The following COL4A5 variants were observed in gnomAD, a reference collection of about 807,000 sequenced individuals.
The protein encoded by COL4A5 is collagen type IV alpha 5 chain.
In COL4A5, 26 loss-of-function variants were observed where a neutral mutation model predicts 130.2. The observed-to-expected ratio is 0.20, with a 90% CI of 0.15 to 0.28. The LOEUF (loss-of-function observed/expected upper bound fraction) is 0.28. COL4A5 is among the 10% of genes least tolerant of loss of function. The pLI is 1.00. For synonymous variants in COL4A5, 496 were observed against 439.6 expected, an observed-to-expected ratio of 1.13 and a Z score of -1.60; for missense variants, 1,131 against 1,344.3, an observed-to-expected ratio of 0.84 and a Z score of 2.48.
intron 1 of COL4A5, among the ~76,000 whole-genome samples, chrX:108,459,673 G>A (rs2064623501): frequency 8.9e-6 from 1 of 112,068 alleles, no homozygotes; most frequent in Non-Finnish European, 1.9e-5. Context: ...CAAGAGCAGT[G>A]ACTATATTTC....
intron 1 of COL4A5, among the ~76,000 whole-genome samples, chrX:108,473,613 G>GTATATATATATATATATATATATATATA (rs1230922272): frequency 2.2e-5 from 1 of 46,100 alleles, no homozygotes; most frequent in African/African-American, 7.7e-5. Context: ...ATATATATAT[G>GTATATATATATATATATATATATATATA]TATATATATA....
rs908463069 is a variant in COL4A5 at position 108,696,084 on chromosome X, T to C, written c.4995-213T>C. 4.3e-5 allele frequency: 17 copies of C among 399,350 alleles called. No homozygotes were observed. The Admixed American group carries it at 7.3e-4, about 17-fold the overall frequency. The allele number at this position is 399,350 out of a possible 1,213,427, so 32.9% of individuals were successfully genotyped here. The stretch of plus-strand genomic sequence containing the variant: ...AAACACAAATATACAAAGATAATAG[T>C]GGTGGGGAGAATCGTTACAAAATAT... On this transcript the variant is annotated intron_variant, in intron 52 of 52. Coordinates refer to ENST00000328300, the MANE Select transcript of COL4A5 (RefSeq NM_033380.3).
chrX:108,523,437 C>G (rs1325359357), intron 1 of COL4A5, among the ~76,000 whole-genome samples: 1 of 111,654 alleles, frequency 9.0e-6, no homozygotes, highest in Admixed American at 9.5e-5. Context: ...TCAATTCTGT[C>G]CCATTGATCT....
chrX:108,689,582 T>A (rs2068612708), intron 49 of COL4A5: 3 of 754,276 alleles, frequency 4.0e-6, no homozygotes, highest in Non-Finnish European at 4.7e-6. Context: ...ATCCTAGGAA[T>A]GGTCCTGGAT....
At chrX:108,622,890 C>T in intron 33 of COL4A5, 65 bp downstream of exon 33, 5 of 1,045,895 alleles carry the variant, frequency 4.8e-6, no homozygotes, top group Non-Finnish European at 6.5e-6. Flanking sequence ...TTTTAAATAG[C>T]ATGAAAAGTG....
At position 108,655,441 on chromosome X, in the gene COL4A5, C is replaced by G; in HGVS notation, c.3357C>G (p.Gly1119=). The G allele has an allele frequency of 1.7e-6, 2 of 1,211,263 alleles. No individual in the cohort carries two copies. Among genetic ancestry groups the G allele is most frequent in the Non-Finnish European group, 2.2e-6 (2 of 895,299 alleles). Residue 1119 remains glycine (G), a synonymous_variant, in exon 37 of 53, where the codon GGC becomes GGG. Transcript: ENST00000328300. ...PGTPGAKGQP[G]LPGFPGTPGP... ...CCCCTGGAGCAAAAGGACAACCAGGCCTTCCTGGATTCCCAGGTAAAATTT... is the reference window on the plus strand; with the variant it reads ...CCCCTGGAGCAAAAGGACAACCAGGGCTTCCTGGATTCCCAGGTAAAATTT...
At chrX:108,540,294 G>A (rs2065516849) in intron 2 of COL4A5, among the ~76,000 whole-genome samples, 1 of 111,139 alleles carries the variant, frequency 9.0e-6, no homozygotes, top group Non-Finnish European at 1.9e-5. Context: ...GATTGGTCTT[G>A]TTGAAGGCAC....
chrX:108,675,794 AAAT>A (rs918242551), intron 43 of COL4A5, among the ~76,000 whole-genome samples: 4 of 111,943 alleles, frequency 3.6e-5, no homozygotes, highest in African/African-American at 1.3e-4. Context: ...CTAATAAAGA[AAAT>A]AATAATAATT....
intron 38 of COL4A5, 76 bp downstream of exon 38, chrX:108,665,663 T>A (rs1179223923): frequency 2.7e-5 from 19 of 699,592 alleles, no homozygotes; most frequent in Non-Finnish European, 4.2e-5. Flanking sequence ...AGTCAAATCA[T>A]GTTCAGCTGT....
chrX:108,595,518 G>A lies in COL4A5; in HGVS notation c.1433G>A (p.Gly478Asp). 8.3e-7 allele frequency: 1 copy of A among 1,211,813 alleles called. No individual in the cohort carries two copies. The highest frequency in any genetic ancestry group is 3.0e-5 in the East Asian group (1 of 33,841). ...ATTATGATTTCACTAGGTGACAAAG[G>A]TGACACTTGCTTCAACTGCATTGGA... ...QGEQGVKGDK[G>D]DTCFNCIGTG... Residue 478 changes from glycine to aspartate, a missense_variant, in exon 22 of 53, where the codon GGT (glycine) becomes GAT (aspartate). By Grantham distance (94) the Gly-to-Asp change is moderately conservative. Transcript: ENST00000328300.
Position 108,696,460 on chromosome X carries a change from CAA to C in COL4A5, c.*83_*84del, listed in dbSNP as rs1382803618. ...CTAGGATGCAGTGTCTCATTGTCCCCAACTTTACTACTGCTGCCGTCAATGGT... is the reference window on the plus strand; with the variant it reads ...CTAGGATGCAGTGTCTCATTGTCCCCCTTTACTACTGCTGCCGTCAATGGT... On this transcript the variant is annotated 3_prime_UTR_variant, in exon 53 of 53. Coordinates refer to ENST00000328300, the MANE Select transcript of COL4A5 (RefSeq NM_033380.3). 1.9e-5 allele frequency: 14 copies of C among 735,556 alleles called. No individual in the cohort carries two copies. The East Asian group carries it at 5.0e-4, about 26-fold the overall frequency. 60.6% of individuals were successfully genotyped at this position (735,556 alleles called of 1,213,427 possible).
chrX:108,564,022 A>G (rs1324540742), intron 4 of COL4A5, 96 bp downstream of exon 4: 8 of 788,286 alleles, frequency 1.0e-5, no homozygotes, highest in Non-Finnish European at 1.5e-5. Flanking sequence ...ACCCATATTA[A>G]AAGCCAAGAA....
chrX:108,549,133 C>A (rs1569484997), intron 2 of COL4A5, among the ~76,000 whole-genome samples: 1 of 111,437 alleles, frequency 9.0e-6, no homozygotes, highest in Non-Finnish European at 1.9e-5. Context: ...TCAAGTGTAA[C>A]AACAGAGATT....
intron 36 of COL4A5, among the ~76,000 whole-genome samples, chrX:108,647,152 A>C (rs1229673979): frequency 1.8e-5 from 2 of 110,346 alleles, no homozygotes; most frequent in African/African-American, 6.7e-5. Context: ...ATGGCATTGA[A>C]TCTATAAATT....
At chrX:108,627,619 A>G (rs1391463903) in intron 36 of COL4A5, 1 of 681,922 alleles carries the variant, frequency 1.5e-6, no homozygotes, top group East Asian at 1.6e-4. Flanking sequence ...AAGTGCATTT[A>G]ATTTTTTGGC....
intron 42 of COL4A5, among the ~76,000 whole-genome samples, chrX:108,672,777 G>A (rs1481673180): frequency 9.0e-6 from 1 of 111,555 alleles, no homozygotes; most frequent in African/African-American, 3.3e-5. Flanking sequence ...GAAATATTTT[G>A]CTGAGAGTTC....
chrX:108,454,485 C>T (rs764556652), intron 1 of COL4A5, among the ~76,000 whole-genome samples: 4 of 111,146 alleles, frequency 3.6e-5, no homozygotes, highest in African/African-American at 1.3e-4. Flanking sequence ...CCACGTTGGC[C>T]AGGCTGGTCT....
chrX:108,485,325 G>A (rs915097758), intron 1 of COL4A5, among the ~76,000 whole-genome samples: 3 of 111,716 alleles, frequency 2.7e-5, no homozygotes, highest in African/African-American at 9.8e-5. Flanking sequence ...TAAAGTGCAA[G>A]CCGAAGTCCC....
intron 13 of COL4A5, among the ~76,000 whole-genome samples, chrX:108,578,939 A>G (rs1437094370): frequency 2.7e-5 from 3 of 111,180 alleles, no homozygotes; most frequent in African/African-American, 9.8e-5. Flanking sequence ...CGGCCTCCCA[A>G]AGTGTTGGGA....
Sources: allele counts gnomAD v4.1 joint callset (sites outside exome capture counted in the v4.1 genomes callset), GRCh38; gene constraint gnomAD v4.1.1; transcripts MANE v1.5; gene names NCBI Gene and HGNC (gene_info 2026-07-23, HGNC 2026-07-21).